The following LCLAT1 variants were observed in gnomAD, a reference collection of about 807,000 sequenced individuals.
The protein encoded by LCLAT1 is 1-AGP acyltransferase 8.
A neutral mutation model predicts 30.7 loss-of-function variants in LCLAT1; 11 were observed. The observed-to-expected ratio is 0.36, with a 90% CI of 0.23 to 0.59. The LOEUF (loss-of-function observed/expected upper bound fraction) is 0.59, where lower values mean the gene tolerates loss of function less well. Ranked by LOEUF, LCLAT1 falls within the 20% of genes least tolerant of loss-of-function variation. The probability of loss-of-function intolerance (pLI) is 0.77; values close to 1 mark genes in which losing one functional copy is unlikely to be tolerated. For missense variants in LCLAT1, 402 were observed against 458.6 expected (o/e 0.88, Z 1.13); for synonymous variants, 155 against 151.3 (o/e 1.02, Z -0.18).
intron 2 of LCLAT1, among the ~76,000 whole-genome samples, chr2:30,532,422 T>A (rs993948861): frequency 2.0e-5 from 3 of 152,160 alleles, no homozygotes; most frequent in Non-Finnish European, 4.4e-5. Flanking sequence ...GAGTTTGAAA[T>A]CAATAATCAG....
intron 5 of LCLAT1, among the ~76,000 whole-genome samples, chr2:30,579,583 T>C (rs1463432544): frequency 6.6e-6 from 1 of 152,060 alleles, no homozygotes; most frequent in Non-Finnish European, 1.5e-5. Flanking sequence ...ATTTAGGGAA[T>C]AGGACTTTGA....
chr2:30,621,570 A>G (rs1311675931), intron 5 of LCLAT1, among the ~76,000 whole-genome samples: 1 of 152,156 alleles, frequency 6.6e-6, no homozygotes, highest in African/African-American at 2.4e-5. Flanking sequence ...CTTTGATGGA[A>G]GCAGCTTGCT....
At chr2:30,537,962 C>T (rs980084277) in intron 3 of LCLAT1, among the ~76,000 whole-genome samples, 2 of 151,906 alleles carry the variant, frequency 1.3e-5, no homozygotes, top group Non-Finnish European at 2.9e-5. Flanking sequence ...GGAAATTAAA[C>T]ATGCTTCTGA....
chr2:30,514,467 C>T (rs1685087632), intron 1 of LCLAT1, among the ~76,000 whole-genome samples: 1 of 152,156 alleles, frequency 6.6e-6, no homozygotes, highest in Non-Finnish European at 1.5e-5. Context: ...TTTTGAGTTT[C>T]AGCAGATTAC....
intron 5 of LCLAT1, among the ~76,000 whole-genome samples, chr2:30,633,847 G>A (rs572115203): frequency 3.9e-5 from 6 of 152,280 alleles, no homozygotes; most frequent in Non-Finnish European, 5.9e-5. Flanking sequence ...ACTTAGGCAT[G>A]AGCAAACCAG....
intron 4 of LCLAT1, among the ~76,000 whole-genome samples, chr2:30,567,762 C>T (rs1056470776): frequency 2.6e-5 from 4 of 152,204 alleles, no homozygotes; most frequent in African/African-American, 9.6e-5. Context: ...CACTAGTTCA[C>T]TATCTTCTCA....
intron 1 of LCLAT1, among the ~76,000 whole-genome samples, chr2:30,490,185 T>C (rs1683770508): frequency 6.6e-6 from 1 of 151,136 alleles, no homozygotes; most frequent in East Asian, 2.0e-4. Context: ...TCAGCTAATT[T>C]AGGGGCTACT....
intron 5 of LCLAT1, among the ~76,000 whole-genome samples, chr2:30,599,357 T>G (rs1406871224): frequency 1.3e-5 from 2 of 152,216 alleles, no homozygotes; most frequent in Non-Finnish European, 2.9e-5. Context: ...TTTCAGTACT[T>G]TTGCACTTGC....
chr2:30,542,953 C>CTTTT (rs34535640), intron 3 of LCLAT1, among the ~76,000 whole-genome samples: 1 of 124,232 alleles, frequency 8.0e-6, no homozygotes, highest in Non-Finnish European at 1.7e-5. Context: ...ACTTTTATGG[C>CTTTT]TTTTTTTTTT....
intron 1 of LCLAT1, among the ~76,000 whole-genome samples, chr2:30,505,597 A>G (rs1471150649): frequency 1.3e-5 from 2 of 152,138 alleles, no homozygotes; most frequent in Non-Finnish European, 2.9e-5. Context: ...CAGTTTTAAT[A>G]AAGTGAATGC....
chr2:30,464,837 C>T (rs1572479233), intron 1 of LCLAT1, among the ~76,000 whole-genome samples: 1 of 152,012 alleles, frequency 6.6e-6, no homozygotes, highest in African/African-American at 2.4e-5. Flanking sequence ...AAAGGCTTGG[C>T]CTATTAGGGT....
intron 1 of LCLAT1, among the ~76,000 whole-genome samples, chr2:30,449,531 G>A (rs1364441224): frequency 6.7e-6 from 1 of 148,648 alleles, no homozygotes; most frequent in Non-Finnish European, 1.5e-5. Flanking sequence ...AGGGAGGTTC[G>A]CTCTTGTTGC....
intron 1 of LCLAT1, chr2:30,459,722 G>T: frequency 6.2e-7 from 1 of 1,607,184 alleles, no homozygotes; most frequent in Non-Finnish European, 8.5e-7. Context: ...AAAAGCTTTG[G>T]GTAAGTCTTT....
At chr2:30,551,959 G>A (rs568112893) in intron 3 of LCLAT1, among the ~76,000 whole-genome samples, 4 of 152,078 alleles carry the variant, frequency 2.6e-5, no homozygotes, top group African/African-American at 4.8e-5. Context: ...CCTTAAATTC[G>A]TCTGATTAGC....
At chr2:30,527,798 T>C (rs1216259763) in intron 2 of LCLAT1, among the ~76,000 whole-genome samples, 8 of 152,218 alleles carry the variant, frequency 5.3e-5, no homozygotes, top group Non-Finnish European at 1.5e-5. Flanking sequence ...AAGTACCCGG[T>C]AAATATTTGG....
At chr2:30,546,608 C>T (rs1288883869) in intron 3 of LCLAT1, among the ~76,000 whole-genome samples, 1 of 152,072 alleles carries the variant, frequency 6.6e-6, no homozygotes, top group Admixed American at 6.6e-5. Flanking sequence ...ATAAATGTGC[C>T]ATTGCTAACA....
At chr2:30,514,167 C>T (rs563588608) in intron 1 of LCLAT1, among the ~76,000 whole-genome samples, 24 of 152,316 alleles carry the variant, frequency 1.6e-4, no homozygotes, top group Non-Finnish European at 3.1e-4. Context: ...GTAAGTACTA[C>T]TGATAAATCA....
At chr2:30,517,353 G>T (rs546575780) in intron 1 of LCLAT1, among the ~76,000 whole-genome samples, 1 of 152,186 alleles carries the variant, frequency 6.6e-6, no homozygotes, top group Non-Finnish European at 1.5e-5. Flanking sequence ...AGCCCTCGAC[G>T]TGGGTAGTTA....
chr2:30,542,274 C>G (rs776979895), intron 3 of LCLAT1, among the ~76,000 whole-genome samples: 1 of 152,138 alleles, frequency 6.6e-6, no homozygotes, highest in Non-Finnish European at 1.5e-5. Context: ...GACCTTGTGT[C>G]ACAAATATTT....
Sources: allele counts gnomAD v4.1 joint callset (sites outside exome capture counted in the v4.1 genomes callset), GRCh38; gene constraint gnomAD v4.1.1; transcripts MANE v1.5; gene names NCBI Gene and HGNC (gene_info 2026-07-23, HGNC 2026-07-21).